NELL2: variants seen among roughly 807,000 people sequenced by gnomAD.
NELL2 encodes neural EGFL like 2.
A neutral mutation model predicts 109.6 loss-of-function variants in NELL2; 41 were observed. That is an observed-to-expected ratio of 0.37 (90% CI 0.29 to 0.49). NELL2 has a LOEUF of 0.49. NELL2 is among the 20% of genes least tolerant of loss of function. The pLI is 0.98. For synonymous variants in NELL2, 355 were observed against 344.7 expected (o/e 1.03, Z -0.33); for missense variants, 900 against 1,008.3 (o/e 0.89, Z 1.45).
rs1342917505 is a variant in NELL2, at chr12:44,777,128, G to A, written c.680-4C>T. On this transcript the variant is annotated splice_polypyrimidine_tract_variant and splice_region_variant and intron_variant, in intron 6 of 19. Coordinates refer to ENST00000429094, the MANE Select transcript of NELL2 (RefSeq NM_001145108.2). ...AAGTCATTGCAAGTTGGACAGGCTGGAATTACAAACACTACATTTGGTCAA... is the reference window on the plus strand; with the variant it reads ...AAGTCATTGCAAGTTGGACAGGCTGAAATTACAAACACTACATTTGGTCAA... The A allele has an allele frequency of 6.2e-7, 1 of 1,613,786 alleles. No homozygotes were observed. The highest frequency in any genetic ancestry group is 2.2e-5 in the East Asian group (1 of 44,872).
intron 9 of NELL2, among the ~76,000 whole-genome samples, chr12:44,727,431 A>C (rs532817826): frequency 2.0e-5 from 3 of 152,194 alleles, no homozygotes; most frequent in African/African-American, 7.2e-5. Flanking sequence ...AAATTATTCC[A>C]GATGCTTCTT....
At chr12:44,749,664 C>T (rs916041898) in intron 9 of NELL2, among the ~76,000 whole-genome samples, 2 of 152,028 alleles carry the variant, frequency 1.3e-5, no homozygotes, top group African/African-American at 2.4e-5. Flanking sequence ...GTAGCTAACA[C>T]GAATAATGAA....
chr12:44,851,393 A>T (rs1327878941), intron 2 of NELL2, among the ~76,000 whole-genome samples: 2 of 152,190 alleles, frequency 1.3e-5, no homozygotes, highest in Non-Finnish European at 2.9e-5. Context: ...AGAATAATGA[A>T]ATATTAAATG....
intron 3 of NELL2, among the ~76,000 whole-genome samples, chr12:44,797,905 AGATGGAAT>A (rs1211772065): frequency 2.9e-5 from 2 of 69,712 alleles, no homozygotes; most frequent in Non-Finnish European, 8.0e-5. Flanking sequence ...ATTCCATCCT[AGATGGAAT>A]GATGGAATAA....
In NELL2 at chr12:44,812,879, C is replaced by T. The variant is rs181542125; in HGVS notation, c.335+3107G>A. Among the ~76,000 whole-genome samples the T allele has an allele frequency of 4.1e-3, 626 of 152,250 alleles. 4 individuals carry two copies. The highest frequency in any genetic ancestry group is 0.014 in the African/African-American group (578 of 41,552). ...ATAGACACGGAGAGACCAGATAGCA[C>T]AGAGGTTCAGCAGGTGGGCTCTATA... On this transcript the variant is annotated intron_variant, in intron 3 of 19. Coordinates refer to ENST00000429094, the MANE Select transcript of NELL2 (RefSeq NM_001145108.2).
intron 1 of NELL2, among the ~76,000 whole-genome samples, chr12:44,905,096 A>G (rs1169656312): frequency 2.0e-5 from 3 of 152,106 alleles, no homozygotes; most frequent in Non-Finnish European, 4.4e-5. Flanking sequence ...TACACGGATT[A>G]TCTTATTTGA....
intron 13 of NELL2, 82 bp downstream of exon 13, chr12:44,665,402 C>A: frequency 1.6e-6 from 2 of 1,242,780 alleles, no homozygotes; most frequent in Non-Finnish European, 2.2e-6. Context: ...GTATACTTAT[C>A]AAAAAAATGA....
In NELL2 at chr12:44,796,502, C is replaced by A. The variant is rs558420058; in HGVS notation, c.336-16480G>T. On this transcript the variant is annotated intron_variant, in intron 3 of 19. Coordinates refer to ENST00000429094, the MANE Select transcript of NELL2 (RefSeq NM_001145108.2). The stretch of plus-strand genomic sequence containing the variant: ...AAGAAAAGAGGTTTCTTAATAATAA[C>A]TTTTTAGTTTAATTATTCCAACAAA... 1.4e-4 allele frequency among the ~76,000 whole-genome samples: 22 copies of A among 152,066 alleles called. No homozygotes were observed. In the South Asian group the frequency reaches 4.6e-3, roughly 32 times the overall value.
intron 14 of NELL2, among the ~76,000 whole-genome samples, chr12:44,608,011 A>G (rs1390332898): frequency 6.6e-6 from 1 of 152,130 alleles, no homozygotes; most frequent in African/African-American, 2.4e-5. Context: ...AGTGCATAAA[A>G]GAAGGAGAGA....
chr12:44,714,562 A>G, intron 10 of NELL2, 88 bp downstream of exon 10: 1 of 713,186 alleles, frequency 1.4e-6, no homozygotes, highest in South Asian at 2.0e-5. Context: ...AATTTCAAAA[A>G]TGTATTTCAA....
intron 9 of NELL2, among the ~76,000 whole-genome samples, chr12:44,746,503 G>C (rs1449002252): frequency 1.3e-5 from 2 of 152,252 alleles, no homozygotes; most frequent in East Asian, 3.9e-4. Context: ...CCATCAGAGT[G>C]AACAGGCAAC....
intron 2 of NELL2, among the ~76,000 whole-genome samples, chr12:44,846,220 T>C (rs1944365249): frequency 1.3e-5 from 2 of 152,168 alleles, no homozygotes; most frequent in African/African-American, 4.8e-5. Flanking sequence ...CGCAAGTGTA[T>C]ATTTAGAGAT....
intron 5 of NELL2, among the ~76,000 whole-genome samples, chr12:44,778,246 T>A (rs1489604504): frequency 6.6e-6 from 1 of 152,172 alleles, no homozygotes; most frequent in Non-Finnish European, 1.5e-5. Flanking sequence ...CAAATACTGG[T>A]CTCTATGTCT....
upstream of NELL2, among the ~76,000 whole-genome samples, chr12:44,916,792 A>C (rs1377464451): frequency 6.6e-6 from 1 of 152,214 alleles, no homozygotes; most frequent in African/African-American, 2.4e-5. Flanking sequence ...TCACAAGGTC[A>C]GAAAACTCTA....
chr12:44,511,116 T>C (rs1299708904), intron 19 of NELL2, among the ~76,000 whole-genome samples: 1 of 152,230 alleles, frequency 6.6e-6, no homozygotes, highest in Non-Finnish European at 1.5e-5. Flanking sequence ...GAAGGGTTTC[T>C]TTGTTTTCTA....
At chr12:44,808,821 A>C (rs569152389) in intron 3 of NELL2, among the ~76,000 whole-genome samples, 69 of 152,092 alleles carry the variant, frequency 4.5e-4, no homozygotes, top group Middle Eastern at 3.4e-3. Context: ...CTCATACATA[A>C]ATACATTTTT....
chr12:44,595,533 TCTC>T (rs1466220547), intron 15 of NELL2, among the ~76,000 whole-genome samples: 1 of 151,800 alleles, frequency 6.6e-6, no homozygotes, highest in African/African-American at 2.4e-5. Context: ...TTCATGCCAT[TCTC>T]CTGCCTCAGC....
At chr12:44,523,177 A>G (rs1410942231) in intron 17 of NELL2, 114 bp downstream of exon 17, 2 of 982,984 alleles carry the variant, frequency 2.0e-6, no homozygotes, top group Non-Finnish European at 3.1e-6. Context: ...ATTAATTGTG[A>G]TGGTAGGTAA....
At chr12:44,536,982 C>A (rs1392277959) in intron 15 of NELL2, among the ~76,000 whole-genome samples, 1 of 139,712 alleles carries the variant, frequency 7.2e-6, no homozygotes, top group Non-Finnish European at 1.6e-5. Context: ...TAAAAACAAA[C>A]CAACAGGCAA....
Sources: allele counts gnomAD v4.1 joint callset (sites outside exome capture counted in the v4.1 genomes callset), GRCh38; gene constraint gnomAD v4.1.1; transcripts MANE v1.5; gene names NCBI Gene and HGNC (gene_info 2026-07-23, HGNC 2026-07-21).